The following CCDC91 variants were observed in gnomAD, a reference collection of about 807,000 sequenced individuals.
CCDC91 encodes coiled-coil domain-containing protein 91.
A neutral mutation model predicts 63.2 loss-of-function variants in CCDC91; 48 were observed. That is an observed-to-expected ratio of 0.76 (90% CI 0.60 to 0.97). CCDC91 has a LOEUF of 0.97. CCDC91 is among the 50% of genes least tolerant of loss of function. The pLI is 0.00. For synonymous variants in CCDC91, 167 were observed against 165.8 expected (o/e 1.01, Z -0.06); for missense variants, 500 against 494.6 (o/e 1.01, Z -0.10).
intron 8 of CCDC91, among the ~76,000 whole-genome samples, chr12:28,401,935 G>A (rs1946646340): frequency 6.6e-6 from 1 of 152,122 alleles, no homozygotes; most frequent in South Asian, 2.1e-4. Context: ...GACAGTCAAC[G>A]TTCTTCTCTC....
chr12:28,277,427 A>C (rs557689688), intron 3 of CCDC91, among the ~76,000 whole-genome samples: 1 of 152,090 alleles, frequency 6.6e-6, no homozygotes, highest in Admixed American at 6.6e-5. Context: ...ACTGAATACA[A>C]CTGCATTTGG....
At chr12:28,239,121 GAA>G (rs778967435) in intron 1 of CCDC91, among the ~76,000 whole-genome samples, 2 of 126,186 alleles carry the variant, frequency 1.6e-5, no homozygotes, top group African/African-American at 2.9e-5. Context: ...CTCTGTCTCG[GAA>G]AAAAAAAAAA....
chr12:28,416,870 T>C (rs768524578), intron 8 of CCDC91, among the ~76,000 whole-genome samples: 5 of 152,170 alleles, frequency 3.3e-5, no homozygotes, highest in Non-Finnish European at 5.9e-5. Context: ...TCATATGTAG[T>C]ATTATGTATA....
chr12:28,512,648 A>G (rs1384883505), intron 12 of CCDC91, among the ~76,000 whole-genome samples: 1 of 151,890 alleles, frequency 6.6e-6, no homozygotes, highest in East Asian at 1.9e-4. Flanking sequence ...GATGGTGACC[A>G]TATGGCCTAC....
intron 1 of CCDC91, among the ~76,000 whole-genome samples, chr12:28,225,369 C>T (rs1592036332): frequency 6.6e-6 from 1 of 152,016 alleles, no homozygotes; most frequent in African/African-American, 2.4e-5. Context: ...TTTAAAAGTT[C>T]TTGAGCTAGA....
intron 3 of CCDC91, among the ~76,000 whole-genome samples, chr12:28,298,432 T>C (rs1937651392): frequency 6.6e-6 from 1 of 151,184 alleles, no homozygotes; most frequent in African/African-American, 2.4e-5. Context: ...GCTGGATCTT[T>C]TCCTATCCTA....
At chr12:28,479,051 A>G (rs2221827) in intron 11 of CCDC91, among the ~76,000 whole-genome samples, 121,725 of 152,100 alleles carry the variant, frequency 0.8, 49,426 homozygotes, top group African/African-American at 0.9. Flanking sequence ...GGAAGACAGT[A>G]TGGCGATTCC....
At chr12:28,407,976 T>TTA in intron 8 of CCDC91, among the ~76,000 whole-genome samples, 2 of 150,490 alleles carry the variant, frequency 1.3e-5, no homozygotes, top group East Asian at 3.9e-4. Context: ...TTTTTTTATT[T>TTA]TTTATTTTAC....
chr12:28,252,272 G>A (rs1476664182), intron 1 of CCDC91, among the ~76,000 whole-genome samples: 1 of 151,698 alleles, frequency 6.6e-6, no homozygotes, highest in South Asian at 2.1e-4. Flanking sequence ...TTTTCTCTTG[G>A]ACAGTTGATA....
chr12:28,502,523 A>G (rs1318887344), intron 12 of CCDC91, among the ~76,000 whole-genome samples: 1 of 150,316 alleles, frequency 6.7e-6, no homozygotes, highest in African/African-American at 2.4e-5. Context: ...TAATTTATAG[A>G]TTCAATGCCA....
intron 12 of CCDC91, among the ~76,000 whole-genome samples, chr12:28,548,115 T>C (rs1410611800): frequency 6.6e-6 from 1 of 152,270 alleles, no homozygotes; most frequent in African/African-American, 2.4e-5. Flanking sequence ...GAGAGTTCTT[T>C]ATTATATATA....
intron 3 of CCDC91, 23 bp downstream of exon 3, chr12:28,259,465 G>GTT (rs79131127): frequency 2.5e-3 from 2,843 of 1,140,460 alleles, no homozygotes; most frequent in South Asian, 2.8e-3. Flanking sequence ...AGGAATTAGG[G>GTT]TTTTTTTTTT....
intron 1 of CCDC91, among the ~76,000 whole-genome samples, chr12:28,241,928 G>A (rs1337555545): frequency 6.7e-6 from 1 of 149,936 alleles, no homozygotes; most frequent in Non-Finnish European, 1.5e-5. Flanking sequence ...TCCAGGAGGC[G>A]GAGGTTGCAG....
At chr12:28,262,134 A>G (rs1054103932) in intron 3 of CCDC91, among the ~76,000 whole-genome samples, 1 of 152,032 alleles carries the variant, frequency 6.6e-6, no homozygotes, top group Non-Finnish European at 1.5e-5. Context: ...TCATTTCCAC[A>G]GTAAAGACCT....
At chr12:28,476,289 C>T (rs562936579) in intron 11 of CCDC91, among the ~76,000 whole-genome samples, 1 of 152,220 alleles carries the variant, frequency 6.6e-6, no homozygotes, top group African/African-American at 2.4e-5. Context: ...GACCACAGTG[C>T]AATCAAACTA....
intron 12 of CCDC91, among the ~76,000 whole-genome samples, chr12:28,519,930 T>A (rs1472424215): frequency 6.6e-6 from 1 of 152,046 alleles, no homozygotes; most frequent in East Asian, 1.9e-4. Flanking sequence ...TAGTATTCCA[T>A]GGTGTATATG....
In CCDC91 at chr12:28,496,920, G is replaced by A. The variant is rs190918135; in HGVS notation, c.1215+12755G>A. Among the ~76,000 whole-genome samples the A allele has an allele frequency of 5.7e-3, 820 of 142,658 alleles. 7 individuals are homozygous for A. The highest frequency in any genetic ancestry group is 0.02 in the African/African-American group (794 of 38,966). The allele number at this position is 142,658 out of a possible 152,430, so 93.6% of individuals were successfully genotyped here. ...AGGTATATATACACACATATATAAG[G>A]TATATATATACATATATATATACAT... On this transcript the variant is annotated intron_variant, in intron 12 of 12. Transcript: ENST00000536442.
chr12:28,266,986 A>T (rs1187785411), intron 3 of CCDC91, among the ~76,000 whole-genome samples: 1 of 151,900 alleles, frequency 6.6e-6, no homozygotes, highest in Non-Finnish European at 1.5e-5. Context: ...TACAATTCTC[A>T]TCAGCTATCC....
chr12:28,307,612 A>T, intron 5 of CCDC91, 33 bp from the exon 6 acceptor site: 1 of 1,130,422 alleles, frequency 8.8e-7, no homozygotes, highest in Non-Finnish European at 1.3e-6. Context: ...GCCATTAAAT[A>T]TTACAAAGCT....
Sources: gnomAD v4.1 joint callset for allele counts (sites outside exome capture counted in the v4.1 genomes callset) on GRCh38, gnomAD v4.1.1 for gene constraint, MANE v1.5 for transcripts, NCBI Gene and HGNC (gene_info 2026-07-23, HGNC 2026-07-21) for gene names.